PNPLA3: variants seen among roughly 807,000 people sequenced by gnomAD.
PNPLA3 encodes patatin like domain 3, 1-acylglycerol-3-phosphate O-acyltransferase.
Under a neutral mutation model 43.1 loss-of-function variants are expected in PNPLA3, and 42 were observed. The ratio of observed to expected loss-of-function variants is 0.97; its 90% CI spans 0.76 to 1.26. The LOEUF is 1.26. PNPLA3 is among the 50% of genes most tolerant of loss of function. The pLI is 0.00. For missense variants in PNPLA3, 647 were observed against 621.4 expected, an observed-to-expected ratio of 1.04 and a Z score of -0.44; for synonymous variants, 272 against 253.6, an observed-to-expected ratio of 1.07 and a Z score of -0.69.
chr22:43,932,987 C>T lies in PNPLA3; in HGVS notation c.596C>T (p.Ser199Phe). Residue 199 changes from serine to phenylalanine, a missense_variant, in exon 4 of 9, where the codon TCC (serine) becomes TTC (phenylalanine). Ser to Phe is a radical substitution (Grantham distance 155). Coordinates refer to ENST00000216180, the MANE Select transcript of PNPLA3 (RefSeq NM_025225.3). ...GEYDICPKVK[S>F]TNFLHVDITK... ...TACGACATCTGCCCTAAAGTCAAGT[C>T]CACGAACTTTCTTCATGTGGACATC... 1 of 1,614,144 alleles carries T rather than the reference C, an allele frequency of 6.2e-7. No individual in the cohort carries two copies. The highest frequency in any genetic ancestry group is 8.5e-7 in the Non-Finnish European group (1 of 1,180,008).
chr22:43,930,738 C>G (rs992307031), intron 3 of PNPLA3, among the ~76,000 whole-genome samples: 1 of 152,128 alleles, frequency 6.6e-6, no homozygotes, highest in Non-Finnish European at 1.5e-5. Flanking sequence ...ATGGAGAAGC[C>G]GAAGCAGGAG....
intron 8 of PNPLA3, 121 bp from the exon 9 acceptor site, chr22:43,946,033 A>G (rs2050060636): frequency 1.1e-6 from 1 of 892,702 alleles, no homozygotes; most frequent in Admixed American, 2.1e-5. Context: ...TCTGGCTGTG[A>G]CGGCACCCTA....
At chr22:43,937,783 C>A (rs1172622546) in intron 6 of PNPLA3, among the ~76,000 whole-genome samples, 5 of 152,186 alleles carry the variant, frequency 3.3e-5, no homozygotes, top group Non-Finnish European at 5.9e-5. Context: ...CCTAAACCCA[C>A]AATTTTGAAC....
chr22:43,926,966 G>A lies in PNPLA3; in HGVS notation c.219G>A (p.Val73=), dbSNP rs753653960. Residue 73 remains valine (V), a synonymous_variant, in exon 2 of 9, where the codon GTG becomes GTA. Transcript: ENST00000216180. ...EQTLQVLSDL[V]RKARSRNIGI... ...CTCTGCAGGTCCTCTCAGATCTTGT[G>A]CGGAAGGCCAGGAGTCGGAACATTG... The A allele has an allele frequency of 9.3e-6, 15 of 1,614,164 alleles. No individual in the cohort carries two copies. The highest frequency in any genetic ancestry group is 6.7e-5 in the East Asian group (3 of 44,860).
At chr22:43,936,759 C>G (rs1187920670) in intron 5 of PNPLA3, among the ~76,000 whole-genome samples, 1 of 152,208 alleles carries the variant, frequency 6.6e-6, no homozygotes, top group Non-Finnish European at 1.5e-5. Context: ...ACCAGTGGTT[C>G]AGTTGTTATA....
rs1411059716 is a variant in PNPLA3, at chr22:43,946,864, T to A, written c.*482T>A. 2.5e-6 allele frequency: 1 copy of A among 398,644 alleles called. No homozygotes were observed. Among genetic ancestry groups the A allele is most frequent in the African/African-American group, 2.1e-5 (1 of 48,642 alleles). 24.7% of individuals were successfully genotyped at this position (398,644 alleles called of 1,614,324 possible). A position where few individuals can be genotyped will look rare whatever the true frequency, so the allele number is the denominator to read the frequency against. ...GAACGACACTGCCTGTCAGGTGGTC[T>A]GCAAAGATGATAACCTTGACTACTA... is the stretch of plus-strand genomic sequence containing the variant. On this transcript the variant is annotated 3_prime_UTR_variant, in exon 9 of 9. Transcript: ENST00000216180.
Position 43,935,528 on chromosome 22 carries a change from G to T in PNPLA3, c.757+862G>T, listed in dbSNP as rs2049989666. Among the ~76,000 whole-genome samples the T allele has an allele frequency of 2.0e-5, 3 of 152,136 alleles. No homozygotes were observed. In the South Asian group the frequency reaches 6.2e-4, roughly 32 times the overall value. On this transcript the variant is annotated intron_variant, in intron 5 of 8. Coordinates refer to ENST00000216180, the MANE Select transcript of PNPLA3 (RefSeq NM_025225.3). ...CAGGATGGATCTCCAAGGCCCAGGG[G>T]AAGAAGGGCCTCTCGGAGGACGTGA...
chr22:43,925,487 C>T (rs888011096), intron 1 of PNPLA3, among the ~76,000 whole-genome samples: 1 of 152,078 alleles, frequency 6.6e-6, no homozygotes, highest in African/African-American at 2.4e-5. Flanking sequence ...CCCCCATTAG[C>T]CCCCTTTTAT....
chr22:43,941,537 T>TCA (rs1005143443), intron 7 of PNPLA3, among the ~76,000 whole-genome samples: 23 of 152,276 alleles, frequency 1.5e-4, no homozygotes, highest in African/African-American at 5.1e-4. Context: ...GGTTACTGAC[T>TCA]CACAGTGCAG....
intron 6 of PNPLA3, among the ~76,000 whole-genome samples, chr22:43,937,723 C>T (rs2050005249): frequency 6.6e-6 from 1 of 152,152 alleles, no homozygotes; most frequent in East Asian, 1.9e-4. Flanking sequence ...TCCACCTGTC[C>T]ACCCACCTCA....
intron 1 of PNPLA3, among the ~76,000 whole-genome samples, chr22:43,926,543 A>G (rs56746910): frequency 0.012 from 1,822 of 152,334 alleles, 57 homozygotes; most frequent in African/African-American, 0.042. Flanking sequence ...GCTGAGGCCT[A>G]CAGCAGTGCT....
chr22:43,932,767 A>C, intron 3 of PNPLA3, 111 bp from the exon 4 acceptor site: 1 of 905,838 alleles, frequency 1.1e-6, no homozygotes, highest in East Asian at 2.5e-5. Flanking sequence ...CCTCCATATC[A>C]GCCTGTTTGT....
At position 43,928,825 on chromosome 22, in the gene PNPLA3, C is replaced by A; in HGVS notation, c.422C>A (p.Ala141Asp). 1 of 1,609,032 alleles carries A rather than the reference C, an allele frequency of 6.2e-7. No homozygotes were observed. The highest frequency in any genetic ancestry group is 8.5e-7 in the Non-Finnish European group (1 of 1,175,514). ...DFRSKDEVVD[A>D]LVCSCFIPFY... ...CTTCTCTCTCCTTTGCTTTCACAGG[C>A]CTTGGTATGTTCCTGCTTCATCCCC... The change falls in exon 3 of 9, where the codon GCC (alanine) becomes GAC (aspartate). Residue 141 changes from alanine (A) to aspartate (D), a missense_variant and splice_region_variant. Physicochemically the swap from Ala to Asp is moderately radical, Grantham distance 126. Coordinates refer to ENST00000216180, the MANE Select transcript of PNPLA3 (RefSeq NM_025225.3).
At chr22:43,929,722 G>A (rs375720521) in intron 3 of PNPLA3, among the ~76,000 whole-genome samples, 60 of 149,906 alleles carry the variant, frequency 4.0e-4, no homozygotes, top group Non-Finnish European at 6.4e-4. Flanking sequence ...TCAACCTCCC[G>A]AGTAGCTGGG....
intron 5 of PNPLA3, among the ~76,000 whole-genome samples, chr22:43,935,794 G>A (rs1435119247): frequency 2.6e-5 from 4 of 152,078 alleles, no homozygotes; most frequent in Admixed American, 1.3e-4. Flanking sequence ...TTGGATACAG[G>A]GGGATTGCAT....
At chr22:43,937,348 C>A in intron 6 of PNPLA3, 76 bp downstream of exon 6, 1 of 1,373,866 alleles carries the variant, frequency 7.3e-7, no homozygotes, top group Non-Finnish European at 1.0e-6. Context: ...ATGGTACTGC[C>A]ACATGGGAGC....
intron 1 of PNPLA3, 176 bp downstream of exon 1, chr22:43,924,274 C>T: frequency 1.3e-6 from 1 of 798,030 alleles, no homozygotes; most frequent in Non-Finnish European, 1.8e-6. Flanking sequence ...GGGCGCTGTT[C>T]CTGGGCCCGG....
chr22:43,946,397 C>T lies in PNPLA3; in HGVS notation c.*15C>T, dbSNP rs368899768. ...AGAGTCTGTGAGTCACTTGAGGAGG[C>T]GAGTCTAGCAGATTCTTTCAGAGGT... On this transcript the variant is annotated 3_prime_UTR_variant, in exon 9 of 9. Transcript: ENST00000216180. 2.0e-5 allele frequency: 32 copies of T among 1,607,710 alleles called. No individual in the cohort carries two copies. The highest frequency in any genetic ancestry group is 1.8e-4 in the Admixed American group (11 of 59,986).
intron 7 of PNPLA3, among the ~76,000 whole-genome samples, chr22:43,943,095 C>CT (rs1438181421): frequency 1.3e-5 from 2 of 152,116 alleles, no homozygotes; most frequent in Non-Finnish European, 2.9e-5. Flanking sequence ...ACAGTTTTTA[C>CT]TTTCAGCAAA....
Sources: allele counts gnomAD v4.1 joint callset (sites outside exome capture counted in the v4.1 genomes callset), GRCh38; gene constraint gnomAD v4.1.1; transcripts MANE v1.5; gene names NCBI Gene and HGNC (gene_info 2026-07-23, HGNC 2026-07-21).